HEMK2: variants seen among roughly 807,000 people sequenced by gnomAD.
HEMK2 encodes the protein methyltransferase HEMK2.
At chr21:28,744,987 G>C in the HEMK2 span, among the ~76,000 whole-genome samples, 3 of 152,272 alleles carry the variant, frequency 2.0e-5, no homozygotes, top group East Asian at 1.9e-4. Context: ...AAAATGTGTA[G>C]AGTCACAGAC....
the HEMK2 span, among the ~76,000 whole-genome samples, chr21:28,708,258 C>T: frequency 6.6e-6 from 1 of 151,840 alleles, no homozygotes; most frequent in African/African-American, 2.4e-5. Context: ...ATGAAACTTA[C>T]ATGTGGAAAC....
chr21:28,700,465 C>T, the HEMK2 span, among the ~76,000 whole-genome samples: 9 of 152,116 alleles, frequency 5.9e-5, no homozygotes, highest in East Asian at 5.8e-4. Context: ...GGGACATTAC[C>T]GCCAACCCCA....
the HEMK2 span, among the ~76,000 whole-genome samples, chr21:28,701,100 C>A: frequency 6.6e-6 from 1 of 152,096 alleles, no homozygotes; most frequent in African/African-American, 2.4e-5. Flanking sequence ...CTCCAACATG[C>A]CTTCATGATG....
the HEMK2 span, among the ~76,000 whole-genome samples, chr21:28,649,994 A>G: frequency 6.6e-6 from 1 of 152,228 alleles, no homozygotes; most frequent in Admixed American, 6.5e-5. Context: ...TATAAAGAAC[A>G]TCTGAAATTC....
the HEMK2 span, among the ~76,000 whole-genome samples, chr21:28,830,318 C>T: frequency 6.6e-6 from 1 of 152,078 alleles, no homozygotes; most frequent in Non-Finnish European, 1.5e-5. Flanking sequence ...CTCACGAGAT[C>T]TGATAAATGT....
the HEMK2 span, chr21:28,878,151 C>G: frequency 1.4e-6 from 2 of 1,479,396 alleles, no homozygotes; most frequent in Non-Finnish European, 1.8e-6. Context: ...CTTTTGATTT[C>G]AGCAACATAA....
At chr21:28,796,312 G>A in the HEMK2 span, among the ~76,000 whole-genome samples, 1 of 151,872 alleles carries the variant, frequency 6.6e-6, no homozygotes, top group African/African-American at 2.4e-5. Context: ...GCTAATTTTT[G>A]TATTTTTAGT....
At chr21:28,801,986 T>C in the HEMK2 span, among the ~76,000 whole-genome samples, 1 of 151,938 alleles carries the variant, frequency 6.6e-6, no homozygotes, top group Non-Finnish European at 1.5e-5. Context: ...TGAAATTACA[T>C]ATATATATAT....
the HEMK2 span, among the ~76,000 whole-genome samples, chr21:28,588,223 G>C: frequency 1.3e-5 from 2 of 152,292 alleles, no homozygotes; most frequent in East Asian, 3.9e-4. Context: ...AAAAAAAAGT[G>C]TTGTAAGAAA....
At chr21:28,626,001 C>T in the HEMK2 span, among the ~76,000 whole-genome samples, 1 of 152,012 alleles carries the variant, frequency 6.6e-6, no homozygotes, top group East Asian at 1.9e-4. Context: ...ATTCTCCAAG[C>T]TGTAGGAAAA....
the HEMK2 span, among the ~76,000 whole-genome samples, chr21:28,624,364 C>G: frequency 6.6e-6 from 1 of 152,214 alleles, no homozygotes; most frequent in South Asian, 2.1e-4. Flanking sequence ...TAATTAGACA[C>G]AGTTCTAAGT....
chr21:28,648,941 C>G, the HEMK2 span, among the ~76,000 whole-genome samples: 1 of 135,034 alleles, frequency 7.4e-6, no homozygotes, highest in South Asian at 2.4e-4. Context: ...CCCGCTCCCC[C>G]CACCCCACAA....
At chr21:28,831,469 A>AAGAGAGAAAGAAAGAG in the HEMK2 span, among the ~76,000 whole-genome samples, 4 of 34,102 alleles carry the variant, frequency 1.2e-4, no homozygotes, top group Non-Finnish European at 2.0e-4. Context: ...GAACGAAAGA[A>AAGAGAGAAAGAAAGAG]AGAAAGAAAG....
At chr21:28,810,731 C>T in the HEMK2 span, among the ~76,000 whole-genome samples, 4 of 152,150 alleles carry the variant, frequency 2.6e-5, no homozygotes, top group African/African-American at 9.7e-5. Context: ...CAAAACCACT[C>T]CCCAAAAATA....
the HEMK2 span, among the ~76,000 whole-genome samples, chr21:28,645,096 C>G: frequency 6.6e-6 from 1 of 152,164 alleles, no homozygotes; most frequent in African/African-American, 2.4e-5. Flanking sequence ...TGAGGCCAGA[C>G]AGGTAATCTA....
At chr21:28,800,044 T>C in the HEMK2 span, among the ~76,000 whole-genome samples, 1 of 152,218 alleles carries the variant, frequency 6.6e-6, no homozygotes, top group Non-Finnish European at 1.5e-5. Flanking sequence ...AATCCTGTTT[T>C]ATGCACGTGA....
the HEMK2 span, among the ~76,000 whole-genome samples, chr21:28,853,161 A>G: frequency 2.0e-5 from 3 of 152,200 alleles, no homozygotes; most frequent in African/African-American, 7.2e-5. Context: ...GGGATGAGTA[A>G]GTCTAAAGTG....
At chr21:28,599,309 C>T in the HEMK2 span, among the ~76,000 whole-genome samples, 1 of 152,140 alleles carries the variant, frequency 6.6e-6, no homozygotes, top group Admixed American at 6.5e-5. Flanking sequence ...TTCACAGTTC[C>T]ATATGGCTGG....
At chr21:28,641,135 T>TA in the HEMK2 span, among the ~76,000 whole-genome samples, 1 of 152,150 alleles carries the variant, frequency 6.6e-6, no homozygotes, top group Non-Finnish European at 1.5e-5. Flanking sequence ...CACAAAGGAA[T>TA]AAAAAAATCC....
Sources: gnomAD v4.1 joint callset for allele counts (sites outside exome capture counted in the v4.1 genomes callset) on GRCh38, gnomAD v4.1.1 for gene constraint, MANE v1.5 for transcripts, NCBI Gene and HGNC (gene_info 2026-07-23, HGNC 2026-07-21) for gene names.